Variants in ARHGAP42 observed in about 807,000 individuals in gnomAD.
ARHGAP42 encodes the protein Rho GTPase activating protein 42, also known as rho GTPase-activating protein 42.
Under a neutral mutation model 125.0 loss-of-function variants are expected in ARHGAP42, and 63 were observed. The observed-to-expected ratio is 0.50, with a 90% confidence interval of 0.41 to 0.62. ARHGAP42 has a LOEUF of 0.62. Ranked by LOEUF, ARHGAP42 falls within the 20% of genes least tolerant of loss-of-function variation. The pLI is 0.00. For synonymous variants in ARHGAP42, 339 were observed against 351.0 expected (o/e 0.97, Z 0.38); for missense variants, 766 against 1,024.2 (o/e 0.75, Z 3.44).
chr11:100,724,313 T>C (rs534505525), intron 1 of ARHGAP42, among the ~76,000 whole-genome samples: 6 of 152,280 alleles, frequency 3.9e-5, no homozygotes, highest in Non-Finnish European at 7.4e-5. Context: ...GGTTTCGTTG[T>C]TAGGGTAATA....
intron 4 of ARHGAP42, among the ~76,000 whole-genome samples, chr11:100,893,083 A>G (rs1866260328): frequency 6.6e-6 from 1 of 152,044 alleles, no homozygotes. Context: ...GTATTTGAAT[A>G]CTGTCATTTC....
chr11:100,961,202 C>T (rs1817236838), intron 14 of ARHGAP42, among the ~76,000 whole-genome samples: 1 of 151,982 alleles, frequency 6.6e-6, no homozygotes. Flanking sequence ...CCCCAAGTGT[C>T]CTTTGGTAAG....
At chr11:100,819,790 T>C (rs1296230989) in intron 3 of ARHGAP42, among the ~76,000 whole-genome samples, 1 of 152,132 alleles carries the variant, frequency 6.6e-6, no homozygotes, top group Non-Finnish European at 1.5e-5. Flanking sequence ...CAAATCTGTA[T>C]CCAAATATAG....
chr11:100,736,838 A>G (rs1450238584), intron 1 of ARHGAP42, among the ~76,000 whole-genome samples: 1 of 152,234 alleles, frequency 6.6e-6, no homozygotes, highest in East Asian at 1.9e-4. Context: ...GGACAGGAGA[A>G]GCACATTATT....
Position 100,799,345 on chromosome 11 carries a change from A to G in ARHGAP42, c.312+4179A>G, listed in dbSNP as rs182404306. Among the ~76,000 whole-genome samples, 3 of 152,300 alleles carry G rather than the reference A, an allele frequency of 2.0e-5. No individual in the cohort carries two copies. In the East Asian group the frequency reaches 5.8e-4, roughly 29 times the overall value. ...GTGACCTGTACTACTAGAAATGTGT[A>G]TACTTTTATGGGAGACTGACGTTTT... On this transcript the variant is annotated intron_variant, in intron 3 of 23. Transcript: ENST00000298815.
intron 3 of ARHGAP42, among the ~76,000 whole-genome samples, chr11:100,817,865 G>T (rs2135070764): frequency 6.6e-6 from 1 of 152,274 alleles, no homozygotes; most frequent in African/African-American, 2.4e-5. Context: ...AAAATCCACA[G>T]GGCATTGCGT....
At chr11:100,738,771 ATC>A (rs1273829651) in intron 1 of ARHGAP42, among the ~76,000 whole-genome samples, 1 of 152,222 alleles carries the variant, frequency 6.6e-6, no homozygotes, top group African/African-American at 2.4e-5. Flanking sequence ...ACATGTAGAA[ATC>A]TGTTTATTAT....
intron 11 of ARHGAP42, 29 bp from the exon 12 acceptor site, chr11:100,949,888 G>T: frequency 2.8e-6 from 4 of 1,408,756 alleles, no homozygotes; most frequent in Non-Finnish European, 3.8e-6. Flanking sequence ...TTAACTGGAA[G>T]TAACTAATGG....
intron 1 of ARHGAP42, among the ~76,000 whole-genome samples, chr11:100,698,387 CTT>C (rs777269941): frequency 6.6e-6 from 1 of 152,200 alleles, no homozygotes; most frequent in Non-Finnish European, 1.5e-5. Context: ...AAGAGGATCA[CTT>C]GAGCCCAGGA....
chr11:100,976,720 G>C, intron 20 of ARHGAP42, 95 bp from the exon 21 acceptor site: 1 of 1,446,096 alleles, frequency 6.9e-7, no homozygotes, highest in Non-Finnish European at 9.3e-7. Flanking sequence ...TTTGGGCTCA[G>C]AGAAAAATGC....
intron 3 of ARHGAP42, among the ~76,000 whole-genome samples, chr11:100,828,531 C>T (rs1236428964): frequency 6.6e-6 from 1 of 152,070 alleles, no homozygotes; most frequent in South Asian, 2.1e-4. Context: ...GTGGTTTCAA[C>T]CTGAGCAAGG....
chr11:100,985,572 T>C (rs1357852864), intron 22 of ARHGAP42, among the ~76,000 whole-genome samples: 5 of 152,196 alleles, frequency 3.3e-5, no homozygotes, highest in Non-Finnish European at 7.3e-5. Flanking sequence ...CGTGCATGTG[T>C]TCATGTGCAC....
chr11:100,954,950 G>A (rs931405030), intron 12 of ARHGAP42, among the ~76,000 whole-genome samples: 17 of 152,148 alleles, frequency 1.1e-4, no homozygotes, highest in Non-Finnish European at 2.5e-4. Flanking sequence ...TCAGCAAAGT[G>A]AATTAAAAAT....
Position 100,992,012 on chromosome 11 carries a change from G to T in ARHGAP42, c.*3211G>T, listed in dbSNP as rs899550912. The T allele has an allele frequency of 1.3e-5, 4 of 312,554 alleles. No individual in the cohort carries two copies. The highest frequency in any genetic ancestry group is 2.3e-5 in the Non-Finnish European group (4 of 170,888). 19.4% of individuals were successfully genotyped at this position (312,554 alleles called of 1,614,324 possible). ...AATTCACTATGTTGTGAGGCAAACAGATTTCTCACTATCATCCAGTGTACC... is the reference window on the plus strand; with the variant it reads ...AATTCACTATGTTGTGAGGCAAACATATTTCTCACTATCATCCAGTGTACC... On this transcript the variant is annotated 3_prime_UTR_variant, in exon 24 of 24. Coordinates refer to ENST00000298815, the MANE Select transcript of ARHGAP42 (RefSeq NM_152432.4).
At chr11:100,915,868 G>C (rs74425622) in intron 5 of ARHGAP42, among the ~76,000 whole-genome samples, 1 of 151,966 alleles carries the variant, frequency 6.6e-6, no homozygotes, top group South Asian at 2.1e-4. Context: ...CCCTCCCTTC[G>C]CCCCTCTAGG....
intron 4 of ARHGAP42, among the ~76,000 whole-genome samples, chr11:100,885,751 T>G (rs1439746419): frequency 6.6e-6 from 1 of 152,198 alleles, no homozygotes; most frequent in African/African-American, 2.4e-5. Flanking sequence ...GACCAAATTT[T>G]TATAATTTTA....
At chr11:100,913,410 G>A (rs201148100) in intron 4 of ARHGAP42, 42 bp from the exon 5 acceptor site, 19 of 953,694 alleles carry the variant, frequency 2.0e-5, no homozygotes, top group Non-Finnish European at 1.8e-5. Flanking sequence ...TTTTCTGGGT[G>A]CTCTGAGTTA....
intron 4 of ARHGAP42, among the ~76,000 whole-genome samples, chr11:100,903,657 TAGTC>T (rs1375486645): frequency 1.4e-5 from 2 of 143,320 alleles, no homozygotes; most frequent in African/African-American, 5.2e-5. Flanking sequence ...GATGCTGTAT[TAGTC>T]AGGGTTCTCT....
intron 2 of ARHGAP42, among the ~76,000 whole-genome samples, chr11:100,780,682 G>A (rs1343244606): frequency 6.6e-6 from 1 of 152,206 alleles, no homozygotes; most frequent in Non-Finnish European, 1.5e-5. Context: ...CCTCTCTTTT[G>A]AACTTGTCTG....
Sources: allele counts gnomAD v4.1 joint callset (sites outside exome capture counted in the v4.1 genomes callset), GRCh38; gene constraint gnomAD v4.1.1; transcripts MANE v1.5; gene names NCBI Gene and HGNC (gene_info 2026-07-23, HGNC 2026-07-21).